Variants in GPX8 observed in about 807,000 individuals in gnomAD.
GPX8 encodes glutathione peroxidase 8 (putative).
In GPX8, 12 loss-of-function variants were observed where a neutral mutation model predicts 17.8. The observed-to-expected ratio is 0.67, with a 90% confidence interval of 0.43 to 1.09. The LOEUF is 1.09. GPX8 is among the 50% of genes least tolerant of loss of function. The pLI, the probability that GPX8 is intolerant of heterozygous loss-of-function variation, is 0.00. For missense variants in GPX8, 209 were observed against 235.6 expected (o/e 0.89, Z 0.74); for synonymous variants, 86 against 88.1 (o/e 0.98, Z 0.14).
At position 55,164,225 on chromosome 5, in the gene GPX8, C is replaced by T; in HGVS notation, c.*7C>T. On this transcript the variant is annotated 3_prime_UTR_variant, in exon 3 of 3. Transcript: ENST00000503787. ...AAAGAAAGAGGATCTATGAGAATGC[C>T]ATTGCGTTTCTAATAGAACAGAGAA... is the stretch of plus-strand genomic sequence containing the variant. 6.6e-7 allele frequency: 1 copy of T among 1,518,970 alleles called. No homozygotes were observed. The highest frequency in any genetic ancestry group is 8.9e-7 in the Non-Finnish European group (1 of 1,124,612). 94.1% of individuals were successfully genotyped at this position (1,518,970 alleles called of 1,614,324 possible).
In GPX8 at chr5:55,165,122, C is replaced by T. The variant is rs1002058121; in HGVS notation, c.*904C>T. The T allele has an allele frequency of 1.3e-5, 2 of 152,154 alleles. No individual in the cohort carries two copies. Among genetic ancestry groups the T allele is most frequent in the East Asian group, 3.8e-4 (2 of 5,202 alleles). The allele number at this position is 152,154 out of a possible 1,614,324, so 9.4% of individuals were successfully genotyped here. ...CTAGATTAGCCACTTGGGAGGAATT[C>T]AATGCTGCATCATTCTGATAGCTGA... On this transcript the variant is annotated 3_prime_UTR_variant, in exon 3 of 3. Transcript: ENST00000503787.
rs1184539839 is a variant in GPX8 at position 55,164,794 on chromosome 5, T to C, written c.*576T>C. On this transcript the variant is annotated 3_prime_UTR_variant, in exon 3 of 3. Coordinates refer to ENST00000503787, the MANE Select transcript of GPX8 (RefSeq NM_001008397.4). ...TGCTTGTTTTGTGTACAGGATTTTG[T>C]TTTTTCTTTTTAAGTACAGGTTCCT... 6.6e-6 allele frequency: 1 copy of C among 152,206 alleles called. No individual in the cohort carries two copies. The highest frequency in any genetic ancestry group is 1.5e-5 in the Non-Finnish European group (1 of 68,046). 9.4% of individuals were successfully genotyped at this position (152,206 alleles called of 1,614,324 possible).
intron 2 of GPX8, among the ~76,000 whole-genome samples, chr5:55,163,636 A>T (rs142064238): frequency 0.023 from 3,432 of 151,720 alleles, 150 homozygotes; most frequent in African/African-American, 0.079. Context: ...CCTCCCGAGT[A>T]GCTGGGATTA....
Position 55,166,458 on chromosome 5 carries a change from G to T in GPX8, c.*2240G>T. The T allele has an allele frequency of 6.6e-6, 1 of 152,318 alleles. No homozygotes were observed. The highest frequency in any genetic ancestry group is 1.5e-5 in the Non-Finnish European group (1 of 68,048). The allele number at this position is 152,318 out of a possible 1,614,324, so 9.4% of individuals were successfully genotyped here. A position where few individuals can be genotyped will look rare whatever the true frequency, so the allele number is the denominator to read the frequency against. On this transcript the variant is annotated 3_prime_UTR_variant, in exon 3 of 3. Transcript: ENST00000503787. ...TAGGCAGGAGGAGATTTGAAAGCGT[G>T]TCATACATATTGCCTTGAAAGAAAG...
rs542280126 is a variant in GPX8, at chr5:55,165,597, C to T, written c.*1379C>T. 1 of 152,290 alleles carries T rather than the reference C, an allele frequency of 6.6e-6. No individual in the cohort carries two copies. The highest frequency in any genetic ancestry group is 6.5e-5 in the Admixed American group (1 of 15,294). The allele number at this position is 152,290 out of a possible 1,614,324, so 9.4% of individuals were successfully genotyped here. ...GTTATTAGATAAACCAAAAATATTT[C>T]ATGAAGCATCTTCTGCTTCAGAGTC... On this transcript the variant is annotated 3_prime_UTR_variant, in exon 3 of 3. Transcript: ENST00000503787.
At chr5:55,162,990 T>C (rs147414097) in intron 2 of GPX8, among the ~76,000 whole-genome samples, 105 of 152,280 alleles carry the variant, frequency 6.9e-4, no homozygotes, top group African/African-American at 2.5e-3. Context: ...TCCATTTATC[T>C]CATCTGCAAA....
chr5:55,163,288 G>T (rs2111574394), intron 2 of GPX8, among the ~76,000 whole-genome samples: 1 of 152,128 alleles, frequency 6.6e-6, no homozygotes, highest in East Asian at 1.9e-4. Context: ...GGGAGGCCAA[G>T]ACAGGAGGAT....
intron 2 of GPX8, 107 bp downstream of exon 2, chr5:55,161,362 T>G (rs1341265661): frequency 9.2e-7 from 1 of 1,081,732 alleles, no homozygotes; most frequent in Non-Finnish European, 1.3e-6. Context: ...TCGGGAAAGC[T>G]TCATAAAACT....
At position 55,166,117 on chromosome 5, in the gene GPX8, G is replaced by C. The variant is rs1293005513; in HGVS notation, c.*1899G>C. ...CACCTACGCCTTCCATGAACTCATAGCAGTGCTGTGGCACTGCAGGGGTGT... is the reference window on the plus strand; with the variant it reads ...CACCTACGCCTTCCATGAACTCATACCAGTGCTGTGGCACTGCAGGGGTGT... On this transcript the variant is annotated 3_prime_UTR_variant, in exon 3 of 3. Transcript: ENST00000503787. 1.3e-5 allele frequency: 2 copies of C among 152,246 alleles called. No homozygotes were observed. Among genetic ancestry groups the C allele is most frequent in the Non-Finnish European group, 2.9e-5 (2 of 68,062 alleles). The allele number at this position is 152,246 out of a possible 1,614,324, so 9.4% of individuals were successfully genotyped here. A position where few individuals can be genotyped will look rare whatever the true frequency, so the allele number is the denominator to read the frequency against.
At chr5:55,163,906 G>C (rs1744229737) in intron 2 of GPX8, 149 bp from the exon 3 acceptor site, 2 of 509,986 alleles carry the variant, frequency 3.9e-6, no homozygotes, top group Non-Finnish European at 6.5e-6. Flanking sequence ...CTAACCTTGA[G>C]TTTCACTTCG....
At position 55,165,167 on chromosome 5, in the gene GPX8, A is replaced by G. The variant is rs957992730; in HGVS notation, c.*949A>G. ...AGCTGAAATAGTAAAAGTCAACTCCAAACAGCCTAAATTCTAGTATAAAAA... is the reference window on the plus strand; with the variant it reads ...AGCTGAAATAGTAAAAGTCAACTCCGAACAGCCTAAATTCTAGTATAAAAA... On this transcript the variant is annotated 3_prime_UTR_variant, in exon 3 of 3. Transcript: ENST00000503787. 1.3e-5 allele frequency: 2 copies of G among 152,220 alleles called. No individual in the cohort carries two copies. The highest frequency in any genetic ancestry group is 4.8e-5 in the African/African-American group (2 of 41,450). The allele number at this position is 152,220 out of a possible 1,614,324, so 9.4% of individuals were successfully genotyped here. A position where few individuals can be genotyped will look rare whatever the true frequency, so the allele number is the denominator to read the frequency against.
At position 55,164,148 on chromosome 5, in the gene GPX8, T is replaced by C. The variant is rs373420526; in HGVS notation, c.560T>C (p.Ile187Thr). The C allele has an allele frequency of 3.6e-5, 57 of 1,604,702 alleles. No individual in the cohort carries two copies. In the African/African-American group the frequency reaches 5.1e-4, roughly 14 times the overall value. The change falls in exon 3 of 3, where the codon ATT becomes ACT. Residue 187 changes from isoleucine to threonine, a missense_variant. Physicochemically the swap from Ile to Thr is moderately conservative, Grantham distance 89 (BLOSUM62 -1). Coordinates refer to ENST00000503787, the MANE Select transcript of GPX8 (RefSeq NM_001008397.4). ...VVKFWKPEEPIEVIRPDIAAL... is the reference protein window; with the variant it reads ...VVKFWKPEEPTEVIRPDIAAL... The stretch of plus-strand genomic sequence containing the variant: ...AAGTTCTGGAAGCCAGAGGAGCCCA[T>C]TGAAGTCATCAGGCCTGACATAGCA...
rs1488767476 is a variant in GPX8 at position 55,165,294 on chromosome 5, T to C, written c.*1076T>C. ...CAAAGTCATGACCTTTATATTTTGT[T>C]AGCCTTATAATTGACTAACAAAGCA... On this transcript the variant is annotated 3_prime_UTR_variant, in exon 3 of 3. Coordinates refer to ENST00000503787, the MANE Select transcript of GPX8 (RefSeq NM_001008397.4). 2.6e-5 allele frequency: 4 copies of C among 152,178 alleles called. No homozygotes were observed. The highest frequency in any genetic ancestry group is 9.7e-5 in the African/African-American group (4 of 41,448). 9.4% of individuals were successfully genotyped at this position (152,178 alleles called of 1,614,324 possible).
chr5:55,160,428 C>T (rs1015089425), intron 1 of GPX8, 32 bp downstream of exon 1: 1 of 1,546,186 alleles, frequency 6.5e-7, no homozygotes, highest in African/African-American at 1.4e-5. Context: ...TTATTGTTAT[C>T]ATTTTTCCTT....
chr5:55,161,386 C>G (rs1429490988), intron 2 of GPX8, 131 bp downstream of exon 2: 12 of 860,202 alleles, frequency 1.4e-5, no homozygotes, highest in African/African-American at 3.4e-5. Flanking sequence ...ATCAAAGAGC[C>G]AGAATCTCAT....
intron 1 of GPX8, 24 bp from the exon 2 acceptor site, chr5:55,160,970 T>G: frequency 6.3e-7 from 1 of 1,583,532 alleles, no homozygotes; most frequent in Non-Finnish European, 8.6e-7. Flanking sequence ...ACTTTCCGGT[T>G]GGATTTTTTT....
rs1456500587 is a variant in GPX8 at position 55,166,118 on chromosome 5, C to G, written c.*1900C>G. 1.3e-5 allele frequency: 2 copies of G among 152,264 alleles called. No homozygotes were observed. The highest frequency in any genetic ancestry group is 6.5e-5 in the Admixed American group (1 of 15,292). The allele number at this position is 152,264 out of a possible 1,614,324, so 9.4% of individuals were successfully genotyped here. ...ACCTACGCCTTCCATGAACTCATAG[C>G]AGTGCTGTGGCACTGCAGGGGTGTT... is the stretch of plus-strand genomic sequence containing the variant. On this transcript the variant is annotated 3_prime_UTR_variant, in exon 3 of 3. Transcript: ENST00000503787.
At chr5:55,162,062 G>A (rs1057478617) in intron 2 of GPX8, among the ~76,000 whole-genome samples, 3 of 140,194 alleles carry the variant, frequency 2.1e-5, no homozygotes, top group Admixed American at 7.8e-5. Flanking sequence ...CTTGCTCTGT[G>A]CCAGACACTG....
chr5:55,163,980 G>A (rs1744233880), intron 2 of GPX8, 75 bp from the exon 3 acceptor site: 1 of 1,095,860 alleles, frequency 9.1e-7, no homozygotes, highest in Non-Finnish European at 1.3e-6. Flanking sequence ...TATCATTTAT[G>A]CAGATACTAA....
Sources: gnomAD v4.1 joint callset for allele counts (sites outside exome capture counted in the v4.1 genomes callset) on GRCh38, gnomAD v4.1.1 for gene constraint, MANE v1.5 for transcripts, NCBI Gene and HGNC (gene_info 2026-07-23, HGNC 2026-07-21) for gene names.